The following TMEM67 variants were observed in gnomAD, a reference collection of about 807,000 sequenced individuals.
TMEM67 encodes meckelin.
In TMEM67, 124 loss-of-function variants were observed where a neutral mutation model predicts 136.6. The ratio of observed to expected loss-of-function variants is 0.91; its 90% CI spans 0.78 to 1.05. The LOEUF (loss-of-function observed/expected upper bound fraction) is 1.05, where lower values mean the gene tolerates loss of function less well. Ranked by LOEUF, TMEM67 falls within the 50% of genes least tolerant of loss-of-function variation. TMEM67 has a pLI of 0.00. For synonymous variants in TMEM67, 364 were observed against 390.5 expected, an observed-to-expected ratio of 0.93 and a Z score of 0.80; for missense variants, 1,107 against 1,178.4, an observed-to-expected ratio of 0.94 and a Z score of 0.89.
the TMEM67 span, among the ~76,000 whole-genome samples, chr8:93,831,872 A>G: frequency 2.0e-5 from 3 of 152,052 alleles, no homozygotes; most frequent in African/African-American, 7.2e-5. Context: ...CCTTTCCTTC[A>G]TTTTCCAAAG....
intron 3 of TMEM67, chr8:93,760,041 A>G (rs1222368055): frequency 5.8e-6 from 8 of 1,373,838 alleles, no homozygotes; most frequent in East Asian, 2.9e-5. Context: ...GTGAAAATGC[A>G]TTCTTTATTT....
intron 2 of TMEM67, 66 bp downstream of exon 2, chr8:93,755,932 C>T (rs756973230): frequency 2.2e-6 from 2 of 896,670 alleles, no homozygotes; most frequent in Non-Finnish European, 3.5e-6. Context: ...CTTTATTTTT[C>T]AAAATATAAT....
At position 93,791,305 on chromosome 8, in the gene TMEM67, C is replaced by T. The variant is rs558566529; in HGVS notation, c.1561C>T (p.His521Tyr). 8.1e-6 allele frequency: 13 copies of T among 1,601,082 alleles called. No homozygotes were observed. The African/African-American group carries it at 1.2e-4, about 15-fold the overall frequency. The change falls in exon 15 of 28, where the codon CAT (histidine) becomes TAT (tyrosine). Residue 521 changes from histidine to tyrosine, a missense_variant. Around this residue, in one of 3 missense-constraint regions of TMEM67, gnomAD observed 925 missense variants for 1,002.4 expected, o/e 0.92. Coordinates refer to ENST00000453321, the MANE Select transcript of TMEM67 (RefSeq NM_153704.6). ...ATATGAAATGGATCATGGAGAAGCA[C>T]ATGTCCAGACAGATGTAAGTTTATT... is the stretch of plus-strand genomic sequence containing the variant. ...VTYEMDHGEA[H>Y]VQTDIALGVL...
chr8:93,785,449 T>A, intron 12 of TMEM67, 71 bp downstream of exon 12: 1 of 1,428,618 alleles, frequency 7.0e-7, no homozygotes, highest in East Asian at 2.3e-5. Context: ...ACATGATAAT[T>A]TAATAAACCA....
At chr8:93,795,178 A>G in intron 16 of TMEM67, 1 of 584,004 alleles carries the variant, frequency 1.7e-6, no homozygotes, top group Non-Finnish European at 3.0e-6. Flanking sequence ...ATAGTGAAAG[A>G]TGAGAAGAGT....
intron 23 of TMEM67, among the ~76,000 whole-genome samples, chr8:93,805,266 C>T (rs1815088066): frequency 6.6e-6 from 1 of 152,020 alleles, no homozygotes; most frequent in South Asian, 2.1e-4. Context: ...TCACCGCGCA[C>T]CTGGCCTATT....
rs150842923 is a variant in TMEM67, at chr8:93,766,126, T to A, written c.651+480T>A. ...TTGGCCAGATTTTTCCTTTTTTTTT[T>A]ATTTTATTTTTGTTTGAGATGGAGT... On this transcript the variant is annotated intron_variant, in intron 6 of 27. Coordinates refer to ENST00000453321, the MANE Select transcript of TMEM67 (RefSeq NM_153704.6). 4.3e-3 allele frequency among the ~76,000 whole-genome samples: 653 copies of A among 152,226 alleles called. 4 individuals are homozygous for A. The highest frequency in any genetic ancestry group is 0.014 in the African/African-American group (577 of 41,532).
the TMEM67 span, among the ~76,000 whole-genome samples, chr8:93,830,592 T>C: frequency 6.6e-6 from 1 of 152,184 alleles, no homozygotes; most frequent in Non-Finnish European, 1.5e-5. Flanking sequence ...AACTGATTGC[T>C]TGTTTGGTGG....
chr8:93,755,942 T>A (rs1434978400), intron 2 of TMEM67, 76 bp downstream of exon 2: 1 of 812,502 alleles, frequency 1.2e-6, no homozygotes, highest in Non-Finnish European at 2.0e-6. Context: ...CAAAATATAA[T>A]TTAATGTTTA....
intron 16 of TMEM67, among the ~76,000 whole-genome samples, chr8:93,793,556 T>C (rs1814479871): frequency 6.6e-6 from 1 of 152,204 alleles, no homozygotes; most frequent in African/African-American, 2.4e-5. Flanking sequence ...TTTTCCAACC[T>C]TTTCATTTTT....
chr8:93,800,266 A>G (rs1189600243), intron 21 of TMEM67, among the ~76,000 whole-genome samples: 1 of 152,134 alleles, frequency 6.6e-6, no homozygotes, highest in Non-Finnish European at 1.5e-5. Context: ...CTGTTGGTCC[A>G]TCACTTCTTG....
intron 7 of TMEM67, among the ~76,000 whole-genome samples, chr8:93,776,902 G>T (rs1211791862): frequency 1.3e-5 from 2 of 152,142 alleles, no homozygotes; most frequent in Non-Finnish European, 2.9e-5. Context: ...TTTTTCTATT[G>T]ATTGAAATAG....
At chr8:93,777,434 C>G (rs1813600761) in intron 7 of TMEM67, among the ~76,000 whole-genome samples, 1 of 151,988 alleles carries the variant, frequency 6.6e-6, no homozygotes. Context: ...CTTCTTTTAA[C>G]TGTGGTGTTA....
chr8:93,820,461 T>C (rs1285692429), downstream of TMEM67, among the ~76,000 whole-genome samples: 1 of 152,134 alleles, frequency 6.6e-6, no homozygotes, highest in East Asian at 1.9e-4. Context: ...CTGCATGTTG[T>C]GGTTTGCAAG....
Position 93,758,565 on chromosome 8 carries a change from G to C in TMEM67, c.395G>C (p.Gly132Ala), listed in dbSNP as rs1490496033. 3.7e-6 allele frequency: 6 copies of C among 1,612,716 alleles called. No homozygotes were observed. In the East Asian group the frequency reaches 1.3e-4, roughly 36 times the overall value. ...GAAGGAAAATGTCACTGTCCCATTGGCCATATTTTAGGTAAGAATTAGATT... is the reference window on the plus strand; with the variant it reads ...GAAGGAAAATGTCACTGTCCCATTGCCCATATTTTAGGTAAGAATTAGATT... Reference protein sequence around the residue: ...TAEGKCHCPIGHILVERDING... With the variant: ...TAEGKCHCPIAHILVERDING... The change falls in exon 3 of 28, where the codon GGC becomes GCC. Residue 132 changes from glycine to alanine, a missense_variant. Around this residue, in one of 3 missense-constraint regions of TMEM67, gnomAD observed 4 missense variants for 16.8 expected, o/e 0.24. Transcript: ENST00000453321.
chr8:93,788,392 G>A (rs1190220881), intron 14 of TMEM67, among the ~76,000 whole-genome samples: 3 of 152,048 alleles, frequency 2.0e-5, no homozygotes, highest in Non-Finnish European at 4.4e-5. Flanking sequence ...GTGAAACCCC[G>A]TCTTTACTGA....
At chr8:93,808,542 CTATA>C (rs1368316441) in intron 23 of TMEM67, among the ~76,000 whole-genome samples, 1 of 12,466 alleles carries the variant, frequency 8.0e-5, no homozygotes, top group African/African-American at 2.8e-4. Flanking sequence ...TATCTATAAT[CTATA>C]TATATCTATA....
At chr8:93,780,768 G>A (rs1200318653) in intron 8 of TMEM67, 21 bp downstream of exon 8, 1 of 1,613,476 alleles carries the variant, frequency 6.2e-7, no homozygotes, top group East Asian at 2.2e-5. Context: ...TTTGATTGAT[G>A]AAATGTTATT....
intron 7 of TMEM67, among the ~76,000 whole-genome samples, chr8:93,776,809 T>C (rs1813565358): frequency 6.6e-6 from 1 of 152,226 alleles, no homozygotes; most frequent in Non-Finnish European, 1.5e-5. Context: ...TGGTCTAAAA[T>C]TCTCTTTTTT....
Sources: allele counts gnomAD v4.1 joint callset (sites outside exome capture counted in the v4.1 genomes callset), GRCh38; gene constraint gnomAD v4.1.1; regional missense constraint gnomAD v4.1.1; transcripts MANE v1.5; gene names NCBI Gene and HGNC (gene_info 2026-07-23, HGNC 2026-07-21).